The following UNC79 variants were observed in gnomAD, a reference collection of about 807,000 sequenced individuals.
UNC79 encodes unc-79 subunit of NALCN channel complex, also known as protein unc-79 homolog.
In UNC79, 37 loss-of-function variants were observed where a neutral mutation model predicts 283.1. The observed-to-expected ratio is 0.13, with a 90% CI of 0.10 to 0.17. The LOEUF (loss-of-function observed/expected upper bound fraction) is 0.17. UNC79 is among the 10% of genes least tolerant of loss of function. The pLI is 1.00. For synonymous variants in UNC79, 1,107 were observed against 1,200.2 expected (o/e 0.92, Z 1.61); for missense variants, 2,272 against 3,211.1 (o/e 0.71, Z 7.07).
chr14:93,540,883 T>C, intron 13 of UNC79, 52 bp downstream of exon 13: 1 of 1,605,304 alleles, frequency 6.2e-7, no homozygotes, highest in South Asian at 1.1e-5. Context: ...CATTTCAAAA[T>C]TGTACTGAAG....
At chr14:93,395,624 A>C (rs2054978926) in intron 1 of UNC79, among the ~76,000 whole-genome samples, 2 of 152,340 alleles carry the variant, frequency 1.3e-5, no homozygotes, top group South Asian at 4.1e-4. Flanking sequence ...GGGTGGGGAC[A>C]TGGAGCCAAA....
At chr14:93,387,131 C>T (rs565032065) in intron 1 of UNC79, among the ~76,000 whole-genome samples, 1 of 151,418 alleles carries the variant, frequency 6.6e-6, no homozygotes, top group Non-Finnish European at 1.5e-5. Flanking sequence ...TTAGTAGAGA[C>T]GGGGTTTCAC....
chr14:93,692,021 C>T, intron 46 of UNC79, 75 bp downstream of exon 49: 1 of 1,515,032 alleles, frequency 6.6e-7, no homozygotes, highest in South Asian at 1.1e-5. Flanking sequence ...CTCACACTCC[C>T]TGTTTTCACA....
At chr14:93,543,839 A>G (rs2061484320) in intron 14 of UNC79, among the ~76,000 whole-genome samples, 1 of 152,210 alleles carries the variant, frequency 6.6e-6, no homozygotes, top group Non-Finnish European at 1.5e-5. Flanking sequence ...TTTCAGTAGA[A>G]ACCTGTGCTA....
chr14:93,407,656 A>G (rs2055253960), intron 1 of UNC79, among the ~76,000 whole-genome samples: 1 of 152,190 alleles, frequency 6.6e-6, no homozygotes, highest in Non-Finnish European at 1.5e-5. Context: ...TTTCCGTCTC[A>G]CAGAAATGCA....
At chr14:93,580,223 C>T (rs967022213) in exon 19 of UNC79, 3 of 1,614,068 alleles carry the variant, frequency 1.9e-6, no homozygotes, top group Non-Finnish European at 2.5e-6. Context: ...CTATTATAAA[C>T]AATGTCTTCC....
chr14:93,655,531 C>A, intron 38 of UNC79, 124 bp downstream of exon 41: 2 of 1,148,652 alleles, frequency 1.7e-6, no homozygotes, highest in Non-Finnish European at 1.2e-6. Context: ...ACTCCGTCAG[C>A]CATGGAGTGA....
At chr14:93,420,653 C>T (rs776605043) in intron 1 of UNC79, among the ~76,000 whole-genome samples, 5 of 151,756 alleles carry the variant, frequency 3.3e-5, no homozygotes, top group Non-Finnish European at 4.4e-5. Context: ...CTGCAGAATA[C>T]ACATTCTTTT....
In UNC79 at chr14:93,621,660, T is replaced by C; in HGVS notation, c.4427T>C (p.Leu1476Ser). 3.1e-6 allele frequency: 5 copies of C among 1,603,164 alleles called. No homozygotes were observed. The highest frequency in any genetic ancestry group is 3.3e-4 in the Middle Eastern group (2 of 5,984). ...GCTGAATATAGAGAGACGGGTGCAT[T>C]ACAAGACAGCCTTCTCCACTGTGTG... The change falls in exon 30 of 49, where the codon TTA becomes TCA. Residue 1476 changes from leucine to serine, a missense_variant. This residue lies in a region of UNC79 where 580 missense variants were observed against 632.2 expected (regional missense o/e 0.92). Transcript: ENST00000555664. This position sits in a 1 kb window ranked among gnomAD's most constrained non-coding sequence, Gnocchi z 4.8.
At chr14:93,615,024 A>T (rs2066594921) in intron 27 of UNC79, among the ~76,000 whole-genome samples, 2 of 152,200 alleles carry the variant, frequency 1.3e-5, no homozygotes, top group Admixed American at 6.5e-5. Flanking sequence ...ATCTGCAAAG[A>T]TAGAGGACTT....
intron 12 of UNC79, 104 bp downstream of exon 12, chr14:93,538,322 T>A: frequency 8.5e-7 from 1 of 1,178,390 alleles, no homozygotes; most frequent in Non-Finnish European, 1.2e-6. Context: ...CAAATGCCCT[T>A]AGCCCAGATG....
intron 41 of UNC79, among the ~76,000 whole-genome samples, chr14:93,678,546 C>G (rs995332219): frequency 1.3e-5 from 2 of 152,198 alleles, no homozygotes; most frequent in Admixed American, 6.5e-5. Flanking sequence ...AGAGAGGCCC[C>G]TAAAAGAACA....
intron 14 of UNC79, among the ~76,000 whole-genome samples, chr14:93,557,439 C>T (rs553219380): frequency 6.6e-6 from 1 of 152,270 alleles, no homozygotes; most frequent in Non-Finnish European, 1.5e-5. Flanking sequence ...CTCTCCTAGG[C>T]TCCTGCTTCC....
intron 6 of UNC79, 58 bp from the exon 7 acceptor site, chr14:93,497,099 T>C: frequency 6.4e-7 from 1 of 1,560,360 alleles, no homozygotes. Flanking sequence ...TGTTGAAGTC[T>C]CTACCTTTCT....
At chr14:93,642,556 A>AT (rs896452950) in intron 33 of UNC79, among the ~76,000 whole-genome samples, 1 of 152,040 alleles carries the variant, frequency 6.6e-6, no homozygotes, top group Non-Finnish European at 1.5e-5. Flanking sequence ...TGCCTGTCTC[A>AT]TGCAGCTGCC....
At chr14:93,576,540 T>C (rs2063487360) in intron 17 of UNC79, among the ~76,000 whole-genome samples, 1 of 152,196 alleles carries the variant, frequency 6.6e-6, no homozygotes, top group East Asian at 1.9e-4. Context: ...AATGACAGAC[T>C]TTAATGGAGA....
intron 1 of UNC79, among the ~76,000 whole-genome samples, chr14:93,353,607 C>T (rs57488093): frequency 0.013 from 1,984 of 152,286 alleles, 47 homozygotes; most frequent in African/African-American, 0.045. Context: ...CTCCTGAAAT[C>T]CAGATAATTT....
chr14:93,685,718 C>T (rs554095365), intron 42 of UNC79, among the ~76,000 whole-genome samples: 11 of 152,330 alleles, frequency 7.2e-5, no homozygotes, highest in African/African-American at 2.6e-4. Context: ...CAAAGCCTGC[C>T]TCGTTTGATC....
intron 1 of UNC79, among the ~76,000 whole-genome samples, chr14:93,423,736 T>G (rs1052400071): frequency 6.6e-6 from 1 of 152,198 alleles, no homozygotes; most frequent in Non-Finnish European, 1.5e-5. Flanking sequence ...AAGACTTAAA[T>G]TTAAGACTTC....
Sources: allele counts gnomAD v4.1 joint callset (sites outside exome capture counted in the v4.1 genomes callset), GRCh38; gene constraint gnomAD v4.1.1; regional missense constraint gnomAD v4.1.1; non-coding constraint Gnocchi (gnomAD v3.1); transcripts MANE v1.5; gene names NCBI Gene and HGNC (gene_info 2026-07-23, HGNC 2026-07-21).